CDKAL1: variants seen among roughly 807,000 people sequenced by gnomAD.
CDKAL1 encodes threonylcarbamoyladenosine tRNA methylthiotransferase.
CDKAL1 carries 32 observed loss-of-function variants against 68.2 expected under a neutral mutation model. The ratio of observed to expected loss-of-function variants is 0.47; its 90% CI spans 0.35 to 0.63. CDKAL1 has a LOEUF of 0.63. Among genes scored for constraint, CDKAL1 ranks in the 30% least tolerant of loss-of-function variants. The pLI, the probability that CDKAL1 is intolerant of heterozygous loss-of-function variation, is 0.00. For missense variants in CDKAL1, 606 were observed against 696.7 expected, an observed-to-expected ratio of 0.87 and a Z score of 1.47; for synonymous variants, 234 against 244.3, an observed-to-expected ratio of 0.96 and a Z score of 0.39.
intron 6 of CDKAL1, chr6:20,756,859 CCTT>C (rs1561750057): frequency 9.9e-4 from 38 of 38,224 alleles, no homozygotes; most frequent in African/African-American, 4.8e-3. Flanking sequence ...TTCTCCCCTT[CCTT>C]CCTTCCTTCC....
intron 13 of CDKAL1, among the ~76,000 whole-genome samples, chr6:21,146,610 G>A (rs1196298532): frequency 2.0e-5 from 3 of 152,036 alleles, no homozygotes; most frequent in African/African-American, 2.4e-5. Flanking sequence ...CAGCACTTTC[G>A]GAGGCCGAGA....
chr6:20,963,637 C>G (rs968810229), intron 10 of CDKAL1, among the ~76,000 whole-genome samples: 8 of 152,146 alleles, frequency 5.3e-5, no homozygotes, highest in Non-Finnish European at 8.8e-5. Flanking sequence ...GTTATTTTAT[C>G]CTTATTGTGC....
At chr6:20,879,361 G>C (rs931299630) in intron 9 of CDKAL1, among the ~76,000 whole-genome samples, 1 of 152,204 alleles carries the variant, frequency 6.6e-6, no homozygotes, top group African/African-American at 2.4e-5. Context: ...GAGTACACCT[G>C]CTGGTTTCAG....
chr6:20,622,387 A>G (rs1767233807), intron 4 of CDKAL1, among the ~76,000 whole-genome samples: 2 of 152,328 alleles, frequency 1.3e-5, no homozygotes, highest in East Asian at 1.9e-4. Flanking sequence ...ATTGGATCCT[A>G]TCAGTGAGAT....
intron 5 of CDKAL1, among the ~76,000 whole-genome samples, chr6:20,733,069 A>G (rs568914645): frequency 1.9e-4 from 29 of 152,264 alleles, no homozygotes; most frequent in Non-Finnish European, 4.1e-4. Context: ...CAGCCGCCCC[A>G]GTGCCCCTGA....
At chr6:20,834,053 A>G (rs1006222117) in intron 8 of CDKAL1, among the ~76,000 whole-genome samples, 2 of 152,218 alleles carry the variant, frequency 1.3e-5, no homozygotes, top group African/African-American at 2.4e-5. Context: ...AATCATTGAC[A>G]TAGACATTCA....
chr6:21,219,411 TC>T (rs1196433464), intron 15 of CDKAL1, among the ~76,000 whole-genome samples: 1 of 152,274 alleles, frequency 6.6e-6, no homozygotes, highest in Non-Finnish European at 1.5e-5. Context: ...GTGGAATTTT[TC>T]CCCCCTGAGT....
intron 5 of CDKAL1, among the ~76,000 whole-genome samples, chr6:20,677,928 A>G (rs73377312): frequency 0.023 from 3,574 of 152,224 alleles, 154 homozygotes; most frequent in African/African-American, 0.081. Context: ...TTTTATTGCA[A>G]TGTGATCAGA....
intron 8 of CDKAL1, among the ~76,000 whole-genome samples, chr6:20,826,488 C>T (rs1777507488): frequency 6.6e-6 from 1 of 152,010 alleles, no homozygotes; most frequent in Non-Finnish European, 1.5e-5. Flanking sequence ...TGTCATGTGC[C>T]TATCTCCCTT....
intron 12 of CDKAL1, among the ~76,000 whole-genome samples, chr6:21,084,201 C>T (rs1408146446): frequency 6.6e-6 from 1 of 152,078 alleles, no homozygotes; most frequent in Non-Finnish European, 1.5e-5. Context: ...TTTTTCATTT[C>T]TAATAGATTA....
intron 13 of CDKAL1, among the ~76,000 whole-genome samples, chr6:21,123,150 T>G (rs141916505): frequency 6.6e-6 from 1 of 152,192 alleles, no homozygotes; most frequent in East Asian, 1.9e-4. Flanking sequence ...ACCTTATAAG[T>G]GTCTTTAAAA....
intron 12 of CDKAL1, among the ~76,000 whole-genome samples, chr6:21,066,605 CTTTTGTTTTGTTCTG>C (rs1562002960): frequency 1.3e-5 from 2 of 152,050 alleles, no homozygotes; most frequent in Non-Finnish European, 1.5e-5. Context: ...CCTTTTTACC[CTTTTGTTTTGTTCTG>C]TTTTGTTTTG....
At chr6:21,140,968 C>A (rs1453911330) in intron 13 of CDKAL1, among the ~76,000 whole-genome samples, 2 of 152,148 alleles carry the variant, frequency 1.3e-5, no homozygotes, top group Non-Finnish European at 2.9e-5. Context: ...CTGATAAACC[C>A]ATCAGATCTC....
intron 11 of CDKAL1, among the ~76,000 whole-genome samples, chr6:21,005,040 TTC>T (rs34002111): frequency 0.066 from 10,010 of 152,290 alleles, 432 homozygotes; most frequent in East Asian, 0.19. Context: ...TAACTGATGT[TTC>T]TGTTATCTTT....
At chr6:20,975,622 T>C (rs1412596716) in intron 10 of CDKAL1, among the ~76,000 whole-genome samples, 1 of 152,192 alleles carries the variant, frequency 6.6e-6, no homozygotes, top group Non-Finnish European at 1.5e-5. Context: ...AAAGTAAAAA[T>C]AGTCTCTTTG....
At chr6:21,131,861 C>T (rs1007793517) in intron 13 of CDKAL1, among the ~76,000 whole-genome samples, 40 of 152,094 alleles carry the variant, frequency 2.6e-4, no homozygotes, top group African/African-American at 9.4e-4. Flanking sequence ...ATTTAGTATT[C>T]CAAAGAGACC....
chr6:21,033,399 CTG>C (rs746296435), intron 11 of CDKAL1, among the ~76,000 whole-genome samples: 1 of 151,988 alleles, frequency 6.6e-6, no homozygotes, highest in Non-Finnish European at 1.5e-5. Flanking sequence ...TTAATGTTGA[CTG>C]AAAGTTTTTT....
At chr6:20,702,370 TC>T (rs772045468) in intron 5 of CDKAL1, among the ~76,000 whole-genome samples, 6 of 152,192 alleles carry the variant, frequency 3.9e-5, no homozygotes, top group Non-Finnish European at 7.3e-5. Flanking sequence ...AATTAGACCC[TC>T]TCCCTTGTCA....
intron 4 of CDKAL1, among the ~76,000 whole-genome samples, chr6:20,631,503 A>T (rs1430225750): frequency 5.9e-5 from 9 of 152,086 alleles, no homozygotes. Context: ...GTCATCTCCC[A>T]TGTCTAGTCA....
Sources: gnomAD v4.1 joint callset for allele counts (sites outside exome capture counted in the v4.1 genomes callset) on GRCh38, gnomAD v4.1.1 for gene constraint, MANE v1.5 for transcripts, NCBI Gene and HGNC (gene_info 2026-07-23, HGNC 2026-07-21) for gene names.